The following KDM4C variants were observed in gnomAD, a reference collection of about 807,000 sequenced individuals.
KDM4C encodes the protein lysine-specific demethylase 4C.
KDM4C carries 81 observed loss-of-function variants against 129.3 expected under a neutral mutation model. That is an observed-to-expected ratio of 0.63 (90% CI 0.52 to 0.75). The LOEUF (loss-of-function observed/expected upper bound fraction) is 0.75. Ranked by LOEUF, KDM4C falls within the 30% of genes least tolerant of loss-of-function variation. The probability of loss-of-function intolerance (pLI) is 0.00; values close to 1 mark genes in which losing one functional copy is unlikely to be tolerated. For missense variants in KDM4C, 1,457 were observed against 1,304.0 expected (o/e 1.12, Z -1.81); for synonymous variants, 573 against 456.1 (o/e 1.26, Z -3.26).
chr9:6,895,000 C>A (rs1485595365), intron 8 of KDM4C, among the ~76,000 whole-genome samples: 1 of 152,164 alleles, frequency 6.6e-6, no homozygotes, highest in Non-Finnish European at 1.5e-5. Context: ...TTGTTTGGTT[C>A]TGGGTACAAA....
chr9:6,834,880 G>T, intron 4 of KDM4C: 2 of 1,305,576 alleles, frequency 1.5e-6, no homozygotes, highest in Admixed American at 1.7e-5. Context: ...TGCTGTCCCT[G>T]TACTTCTTTG....
At chr9:7,120,130 GT>G (rs1247790642) in intron 18 of KDM4C, among the ~76,000 whole-genome samples, 1 of 151,540 alleles carries the variant, frequency 6.6e-6, no homozygotes, top group African/African-American at 2.4e-5. Context: ...GTTCACTGCT[GT>G]AGAATGCTCA....
intron 18 of KDM4C, among the ~76,000 whole-genome samples, chr9:7,123,436 G>T (rs146191915): frequency 5.3e-5 from 8 of 152,296 alleles, no homozygotes; most frequent in Non-Finnish European, 8.8e-5. Context: ...ACTCTACAGT[G>T]CCCCTTTGCT....
intron 17 of KDM4C, among the ~76,000 whole-genome samples, chr9:7,090,883 A>G (rs1835712849): frequency 6.6e-6 from 1 of 152,236 alleles, no homozygotes; most frequent in South Asian, 2.1e-4. Flanking sequence ...GATTTCTCAT[A>G]TGTGACTACT....
At chr9:6,856,663 C>T (rs1036073293) in intron 5 of KDM4C, among the ~76,000 whole-genome samples, 3 of 151,402 alleles carry the variant, frequency 2.0e-5, no homozygotes, top group African/African-American at 7.3e-5. Flanking sequence ...GCCACAACCT[C>T]CTGGGCTCAA....
chr9:6,798,294 C>T (rs192268753), intron 2 of KDM4C, among the ~76,000 whole-genome samples: 1 of 148,848 alleles, frequency 6.7e-6, no homozygotes, highest in Non-Finnish European at 1.5e-5. Flanking sequence ...GGATGTTTCT[C>T]GCAGAGGGGG....
intron 17 of KDM4C, among the ~76,000 whole-genome samples, chr9:7,061,583 C>G (rs771800995): frequency 6.6e-6 from 1 of 152,170 alleles, no homozygotes; most frequent in Non-Finnish European, 1.5e-5. Flanking sequence ...AGAGAAGACT[C>G]GTCCAGTCTC....
intron 13 of KDM4C, among the ~76,000 whole-genome samples, chr9:7,012,431 C>T (rs553093918): frequency 3.9e-5 from 6 of 152,100 alleles, no homozygotes; most frequent in Non-Finnish European, 7.4e-5. Context: ...TTAAAGCTTA[C>T]AAATAGTAGA....
chr9:6,860,844 G>A (rs1171136695), intron 5 of KDM4C, among the ~76,000 whole-genome samples: 1 of 152,132 alleles, frequency 6.6e-6, no homozygotes, highest in Non-Finnish European at 1.5e-5. Flanking sequence ...ACTTTTTTGA[G>A]ATTGTCTGGG....
At chr9:6,906,233 T>G (rs1395551930) in intron 8 of KDM4C, among the ~76,000 whole-genome samples, 1 of 152,176 alleles carries the variant, frequency 6.6e-6, no homozygotes, top group Admixed American at 6.5e-5. Context: ...CTGGAACTGA[T>G]GGACATGATT....
intron 7 of KDM4C, among the ~76,000 whole-genome samples, chr9:6,889,211 T>TTATGTGTG (rs766335055): frequency 3.2e-5 from 2 of 61,552 alleles, no homozygotes; most frequent in Non-Finnish European, 5.9e-5. Context: ...GGCCTTCTTT[T>TTATGTGTG]TGTGTGTGTG....
intron 18 of KDM4C, among the ~76,000 whole-genome samples, chr9:7,126,339 T>C (rs950916259): frequency 4.6e-5 from 7 of 152,198 alleles, no homozygotes; most frequent in African/African-American, 1.4e-4. Context: ...AATTTAAAAA[T>C]AAAATGAATT....
chr9:7,031,130 G>GTTTATTTATTTATTTA (rs57636781), intron 15 of KDM4C, among the ~76,000 whole-genome samples: 11 of 141,252 alleles, frequency 7.8e-5, no homozygotes, highest in East Asian at 4.1e-4. Flanking sequence ...TATTTTACTT[G>GTTTATTTATTTATTTA]TTTATTTATT....
intron 1 of KDM4C, among the ~76,000 whole-genome samples, chr9:6,792,200 C>A (rs1480229469): frequency 2.0e-5 from 3 of 150,914 alleles, no homozygotes; most frequent in East Asian, 4.0e-4. Flanking sequence ...AAAGGTAGCC[C>A]GGCATGGTGG....
chr9:6,886,511 T>G (rs1393908484), intron 6 of KDM4C, among the ~76,000 whole-genome samples: 1 of 150,338 alleles, frequency 6.7e-6, no homozygotes, highest in African/African-American at 2.4e-5. Flanking sequence ...TTTTTTTTTT[T>G]TGAGGAGTCT....
intron 1 of KDM4C, among the ~76,000 whole-genome samples, chr9:6,731,837 A>G (rs1393072958): frequency 6.6e-6 from 1 of 152,150 alleles, no homozygotes; most frequent in Non-Finnish European, 1.5e-5. Flanking sequence ...TGTGTCATTT[A>G]TAGGTTACTG....
At chr9:6,901,294 GCAGGCTTT>G (rs1242566454) in intron 8 of KDM4C, among the ~76,000 whole-genome samples, 1 of 152,160 alleles carries the variant, frequency 6.6e-6, no homozygotes, top group Non-Finnish European at 1.5e-5. Context: ...TCTCATCCAT[GCAGGCTTT>G]CCTGCACTTC....
At chr9:6,777,115 T>C (rs1159421870) in intron 1 of KDM4C, among the ~76,000 whole-genome samples, 11 of 152,238 alleles carry the variant, frequency 7.2e-5, no homozygotes. Flanking sequence ...TACTCTGTAG[T>C]CAGTTGTCTA....
chr9:7,126,013 C>T (rs1265155504), intron 18 of KDM4C, among the ~76,000 whole-genome samples: 2 of 152,198 alleles, frequency 1.3e-5, no homozygotes, highest in African/African-American at 4.8e-5. Context: ...ATAGCCTTAT[C>T]TTGAAAATCA....
Sources: gnomAD v4.1 joint callset for allele counts (sites outside exome capture counted in the v4.1 genomes callset) on GRCh38, gnomAD v4.1.1 for gene constraint, MANE v1.5 for transcripts, NCBI Gene and HGNC (gene_info 2026-07-23, HGNC 2026-07-21) for gene names.